NUDCD3: variants seen among roughly 807,000 people sequenced by gnomAD.
The protein encoded by NUDCD3 is NudC domain containing 3.
A neutral mutation model predicts 39.7 loss-of-function variants in NUDCD3; 13 were observed. That is an observed-to-expected ratio of 0.33 (90% confidence interval 0.21 to 0.52). The LOEUF is 0.52. Among genes scored for constraint, NUDCD3 ranks in the 20% least tolerant of loss-of-function variants. NUDCD3 has a pLI of 0.96. For synonymous variants in NUDCD3, 175 were observed against 172.4 expected, an observed-to-expected ratio of 1.02 and a Z score of -0.12; for missense variants, 453 against 458.1, an observed-to-expected ratio of 0.99 and a Z score of 0.10.
chr7:44,426,613 A>G (rs28510099), intron 3 of NUDCD3, among the ~76,000 whole-genome samples: 20,334 of 151,724 alleles, frequency 0.13, 1,618 homozygotes, highest in Non-Finnish European at 0.19. Flanking sequence ...TGGCTAAAAC[A>G]GTGAAACCCC....
chr7:44,487,434 A>G (rs1304507191), intron 1 of NUDCD3, among the ~76,000 whole-genome samples: 1 of 151,320 alleles, frequency 6.6e-6, no homozygotes, highest in Non-Finnish European at 1.5e-5. Flanking sequence ...CCCAGGAAGG[A>G]GTCTTATGCC....
chr7:44,447,899 C>A (rs1799716566), intron 2 of NUDCD3, among the ~76,000 whole-genome samples: 1 of 152,136 alleles, frequency 6.6e-6, no homozygotes, highest in Non-Finnish European at 1.5e-5. Flanking sequence ...ACAGAATTGA[C>A]CACACCCTTG....
rs755941886 is a variant in NUDCD3, at chr7:44,384,481, G to A, written c.*1530C>T. The A allele has an allele frequency of 1.3e-5, 2 of 152,092 alleles. No homozygotes were observed. The highest frequency in any genetic ancestry group is 2.9e-5 in the Non-Finnish European group (2 of 68,056). 9.4% of individuals were successfully genotyped at this position (152,092 alleles called of 1,614,324 possible). On this transcript the variant is annotated 3_prime_UTR_variant, in exon 6 of 6. Coordinates refer to ENST00000355451, the MANE Select transcript of NUDCD3 (RefSeq NM_015332.4). ...GGCCTTTTGCTCTCCTGTGATGATC[G>A]GAGCAACATGTTTGGACCCACAGAA...
intron 2 of NUDCD3, among the ~76,000 whole-genome samples, chr7:44,464,031 T>C (rs1359261703): frequency 2.0e-5 from 3 of 151,736 alleles, no homozygotes; most frequent in Non-Finnish European, 4.4e-5. Context: ...CTGACCAATA[T>C]GGTGAAACCC....
At chr7:44,461,709 G>T (rs1284815705) in intron 2 of NUDCD3, among the ~76,000 whole-genome samples, 1 of 152,148 alleles carries the variant, frequency 6.6e-6, no homozygotes, top group East Asian at 1.9e-4. Flanking sequence ...CATAATGGTT[G>T]AAAGGGGGAG....
chr7:44,437,160 C>T (rs960517685), intron 2 of NUDCD3, among the ~76,000 whole-genome samples: 10 of 149,238 alleles, frequency 6.7e-5, no homozygotes, highest in African/African-American at 2.5e-4. Context: ...ACCTCTGACT[C>T]CTGGGTTCAA....
intron 4 of NUDCD3, 39 bp from the exon 5 acceptor site, chr7:44,392,524 G>A (rs1798540722): frequency 6.3e-7 from 1 of 1,590,974 alleles, no homozygotes; most frequent in Non-Finnish European, 8.6e-7. Context: ...TCAGAGACCT[G>A]AGACAGGTGT....
Position 44,392,350 on chromosome 7 carries a change from G to C in NUDCD3, c.922C>G (p.Leu308Val), listed in dbSNP as rs779976154. 2 of 1,614,072 alleles carry C rather than the reference G, an allele frequency of 1.2e-6. No homozygotes were observed. Among genetic ancestry groups the C allele is most frequent in the African/African-American group, 2.7e-5 (2 of 74,930 alleles). Residue 308 changes from leucine to valine, a missense_variant, in exon 5 of 6, where the codon CTT (leucine) becomes GTT (valine). Leu to Val is a conservative substitution (Grantham distance 32). Transcript: ENST00000355451. The stretch of plus-strand genomic sequence containing the variant: ...AGCTTCTGGTGGTAGTCAAAGGTAA[G>C]CCTGTCCAACACCGCCTGTTCCTCC... ...DEEEQAVLDR[L>V]TFDYHQKLQG...
intron 2 of NUDCD3, among the ~76,000 whole-genome samples, chr7:44,446,059 A>C (rs1012153460): frequency 6.6e-6 from 1 of 152,220 alleles, no homozygotes; most frequent in African/African-American, 2.4e-5. Flanking sequence ...ATTACTGCAC[A>C]CTTACCTATG....
intron 2 of NUDCD3, among the ~76,000 whole-genome samples, chr7:44,433,171 C>T (rs1053944351): frequency 6.6e-6 from 1 of 152,202 alleles, no homozygotes; most frequent in Non-Finnish European, 1.5e-5. Flanking sequence ...TCTTGGACTT[C>T]CAACATCCAG....
Position 44,379,451 on chromosome 7 carries a change from C to G in NUDCD3, c.*6560G>C, listed in dbSNP as rs926033070. The stretch of plus-strand genomic sequence containing the variant: ...GCTGCTCTGAAGTCGTGAGTGGGGA[C>G]AGCAGAGCCTGTTCAGGAGGCTGCT... On this transcript the variant is annotated 3_prime_UTR_variant, in exon 6 of 6. Transcript: ENST00000355451. The G allele has an allele frequency of 6.6e-6, 1 of 152,056 alleles. No homozygotes were observed. Among genetic ancestry groups the G allele is most frequent in the Non-Finnish European group, 1.5e-5 (1 of 68,068 alleles). The allele number at this position is 152,056 out of a possible 1,614,324, so 9.4% of individuals were successfully genotyped here.
intron 2 of NUDCD3, among the ~76,000 whole-genome samples, chr7:44,463,048 C>T (rs1800048502): frequency 1.3e-5 from 2 of 151,282 alleles, no homozygotes; most frequent in African/African-American, 2.4e-5. Flanking sequence ...TGCCCATGGC[C>T]CTCATGAGAT....
intron 3 of NUDCD3, among the ~76,000 whole-genome samples, chr7:44,427,043 G>A (rs926210325): frequency 2.6e-5 from 4 of 152,136 alleles, no homozygotes; most frequent in Non-Finnish European, 2.9e-5. Context: ...TCTAATTTGA[G>A]TTTATTAGAC....
At chr7:44,467,838 A>G (rs1033442918) in intron 2 of NUDCD3, 1 of 1,222,648 alleles carries the variant, frequency 8.2e-7, no homozygotes, top group African/African-American at 1.5e-5. Flanking sequence ...AAAAGAAAAG[A>G]AAAGGCTCTC....
chr7:44,397,935 CCT>C (rs1434168809), intron 4 of NUDCD3, among the ~76,000 whole-genome samples: 1 of 152,060 alleles, frequency 6.6e-6, no homozygotes, highest in African/African-American at 2.4e-5. Context: ...TTTTTCCTCC[CCT>C]GACATCTCCT....
intron 2 of NUDCD3, among the ~76,000 whole-genome samples, chr7:44,460,350 A>G (rs566143092): frequency 6.6e-6 from 1 of 152,242 alleles, no homozygotes; most frequent in South Asian, 2.1e-4. Flanking sequence ...AGCTATCATC[A>G]TAACTGTTTA....
chr7:44,459,421 C>T (rs899806264), intron 2 of NUDCD3, among the ~76,000 whole-genome samples: 23 of 152,116 alleles, frequency 1.5e-4, no homozygotes, highest in Non-Finnish European at 2.9e-4. Flanking sequence ...CTCCTGGGCT[C>T]ATGCAATCCT....
intron 3 of NUDCD3, among the ~76,000 whole-genome samples, chr7:44,411,431 T>G (rs1248858996): frequency 1.3e-5 from 2 of 152,060 alleles, no homozygotes; most frequent in South Asian, 4.1e-4. Context: ...AACTCCACAA[T>G]AAAAAGGCAA....
chr7:44,483,311 T>C (rs894754178), intron 2 of NUDCD3, among the ~76,000 whole-genome samples: 3 of 152,198 alleles, frequency 2.0e-5, no homozygotes, highest in Non-Finnish European at 2.9e-5. Context: ...TTTAAAATGT[T>C]TGAAGAAAAA....
Sources: allele counts gnomAD v4.1 joint callset (sites outside exome capture counted in the v4.1 genomes callset), GRCh38; gene constraint gnomAD v4.1.1; transcripts MANE v1.5; gene names NCBI Gene and HGNC (gene_info 2026-07-23, HGNC 2026-07-21).